ADGRL2: variants seen among roughly 807,000 people sequenced by gnomAD.
ADGRL2 encodes calcium-independent alpha-latrotoxin receptor 2.
Under a neutral mutation model 157.4 loss-of-function variants are expected in ADGRL2, and 44 were observed. The ratio of observed to expected loss-of-function variants is 0.28; its 90% CI spans 0.22 to 0.36. The LOEUF is 0.36. Ranked by LOEUF, ADGRL2 falls within the 10% of genes least tolerant of loss-of-function variation. The pLI is 1.00. For synonymous variants in ADGRL2, 585 were observed against 624.7 expected, an observed-to-expected ratio of 0.94 and a Z score of 0.95; for missense variants, 1,510 against 1,768.9, an observed-to-expected ratio of 0.85 and a Z score of 2.63.
intron 1 of ADGRL2, among the ~76,000 whole-genome samples, chr1:81,359,828 C>CA (rs1021590554): frequency 4.0e-5 from 6 of 151,550 alleles, no homozygotes; most frequent in South Asian, 2.1e-4. Context: ...TTTCTGAAGC[C>CA]AAAAAAAACC....
intron 3 of ADGRL2, among the ~76,000 whole-genome samples, chr1:81,613,551 T>C (rs1291783850): frequency 6.6e-6 from 1 of 151,904 alleles, no homozygotes; most frequent in Non-Finnish European, 1.5e-5. Context: ...CAATGAAGAG[T>C]GCAGGGCAGA....
At chr1:81,747,020 A>G (rs966353595) in intron 1 of ADGRL2, among the ~76,000 whole-genome samples, 11 of 145,842 alleles carry the variant, frequency 7.5e-5, no homozygotes, top group Non-Finnish European at 1.4e-4. Context: ...ACGTATGTAT[A>G]CACGTGTATA....
chr1:81,872,720 C>G (rs1292468363), intron 2 of ADGRL2, among the ~76,000 whole-genome samples: 1 of 151,828 alleles, frequency 6.6e-6, no homozygotes, highest in Non-Finnish European at 1.5e-5. Flanking sequence ...AAAGTCATTG[C>G]CAAGAGAGGA....
Position 81,463,891 on chromosome 1 carries a change from A to G in ADGRL2, c.-248+18802A>G, listed in dbSNP as rs182084031. ...ACCACTCTCATTAAAAGAAAATTGT[A>G]TTAAAGCCTACTTTAAACTTGTTTC... On this transcript the variant is annotated intron_variant, in intron 2 of 24. Transcript: ENST00000370721. Among the ~76,000 whole-genome samples, 97 of 152,332 alleles carry G rather than the reference A, an allele frequency of 6.4e-4. 1 individual carries two copies. Among genetic ancestry groups the G allele is most frequent in the African/African-American group, 2.3e-3 (94 of 41,578 alleles).
At chr1:81,476,512 G>A (rs780853574) in intron 2 of ADGRL2, among the ~76,000 whole-genome samples, 3 of 152,104 alleles carry the variant, frequency 2.0e-5, no homozygotes, top group Non-Finnish European at 2.9e-5. Flanking sequence ...CTCCACCTGT[G>A]CTTTTTCACC....
chr1:81,423,957 A>G (rs546854751), intron 1 of ADGRL2, among the ~76,000 whole-genome samples: 15 of 152,362 alleles, frequency 9.8e-5, no homozygotes, highest in Non-Finnish European at 2.2e-4. Flanking sequence ...CTACCAATGT[A>G]TCAGGCTTTC....
At chr1:81,527,145 G>C (rs932074133) in intron 2 of ADGRL2, among the ~76,000 whole-genome samples, 2 of 152,138 alleles carry the variant, frequency 1.3e-5, no homozygotes, top group African/African-American at 4.8e-5. Context: ...GTACTATTAG[G>C]ATCACCAATA....
intron 17 of ADGRL2, 57 bp from the exon 18 acceptor site, chr1:81,979,812 C>G (rs909160116): frequency 1.0e-6 from 1 of 968,558 alleles, no homozygotes; most frequent in Admixed American, 1.8e-5. Flanking sequence ...TTTGCAAGAA[C>G]TATTCATTTT....
At position 81,943,742 on chromosome 1, in the gene ADGRL2, G is replaced by C; in HGVS notation, c.1183G>C (p.Glu395Gln). The change falls in exon 6 of 24, where the codon GAG (glutamate) becomes CAG (glutamine). Residue 395 changes from glutamate (E) to glutamine (Q), a missense_variant. Glu to Gln is a conservative substitution (Grantham distance 29, BLOSUM62 2). Coordinates refer to ENST00000686636, the MANE Select transcript of ADGRL2 (RefSeq NM_001366006.2). The surrounding 1 kb of genome is among the most constrained non-coding windows in gnomAD (Gnocchi z 5.6). ...NNNFILRYSL[E>Q]FGPPDPAQVP... ...TAACTTCATTTTACGATATTCTCTG[G>C]AGTTTGGTCCACCTGATCCTGCCCA... 1 of 1,613,220 alleles carries C rather than the reference G, an allele frequency of 6.2e-7. No individual in the cohort carries two copies. The highest frequency in any genetic ancestry group is 8.5e-7 in the Non-Finnish European group (1 of 1,179,390).
At position 81,990,625 on chromosome 1, in the gene ADGRL2, T is replaced by G. The variant is rs772473565; in HGVS notation, c.3890T>G (p.Val1297Gly). The change falls in exon 24 of 24, where the codon GTC becomes GGC. Residue 1297 changes from valine to glycine, a missense_variant. Around this residue, in one of 4 missense-constraint regions of ADGRL2, gnomAD observed 327 missense variants for 310.1 expected, o/e 1.05. Coordinates refer to ENST00000686636, the MANE Select transcript of ADGRL2 (RefSeq NM_001366006.2). ...KTHNLELTLP[V>G]KPVIGGSSSE... ...CACAACCTCGAGCTCACGCTACCAGTCAAACCTGTGATTGGAGGTAGCAGC... is the reference window on the plus strand; with the variant it reads ...CACAACCTCGAGCTCACGCTACCAGGCAAACCTGTGATTGGAGGTAGCAGC... 7 of 1,613,974 alleles carry G rather than the reference T, an allele frequency of 4.3e-6. No homozygotes were observed. Among genetic ancestry groups the G allele is most frequent in the African/African-American group, 1.3e-5 (1 of 74,882 alleles).
At chr1:81,834,600 G>T (rs548125557) in intron 1 of ADGRL2, among the ~76,000 whole-genome samples, 1 of 152,230 alleles carries the variant, frequency 6.6e-6, no homozygotes. Flanking sequence ...TTTTGATTTA[G>T]TTTCCAAATT....
chr1:81,440,547 C>G lies in ADGRL2; in HGVS notation c.-301-4489C>G, dbSNP rs183044479. 4.4e-3 allele frequency among the ~76,000 whole-genome samples: 670 copies of G among 152,240 alleles called. 1 individual carries two copies. Among genetic ancestry groups the G allele is most frequent in the Middle Eastern group, 0.01 (3 of 294 alleles). ...AGACAATCCCGCAGATTTTAACTAC[C>G]CCATCCATTGGAAGGATGCCAAAAT... is the stretch of plus-strand genomic sequence containing the variant. On this transcript the variant is annotated intron_variant, in intron 1 of 24. Coordinates refer to the ADGRL2 transcript ENST00000370721.
intron 2 of ADGRL2, among the ~76,000 whole-genome samples, chr1:81,864,712 A>T (rs1278247561): frequency 6.6e-6 from 1 of 152,190 alleles, no homozygotes; most frequent in Non-Finnish European, 1.5e-5. Flanking sequence ...CTGTAATCCC[A>T]GCACTTTGGG....
At chr1:81,414,665 C>T (rs1465248634) in intron 1 of ADGRL2, among the ~76,000 whole-genome samples, 1 of 152,156 alleles carries the variant, frequency 6.6e-6, no homozygotes, top group Non-Finnish European at 1.5e-5. Context: ...GAGGATATTA[C>T]TTTGCTTGAA....
intron 2 of ADGRL2, among the ~76,000 whole-genome samples, chr1:81,454,173 T>C (rs2077756045): frequency 6.6e-6 from 1 of 152,210 alleles, no homozygotes; most frequent in Admixed American, 6.5e-5. Context: ...CACTCTTTTT[T>C]TTTTTTCTTT....
At chr1:81,552,605 GAAAAAAAAA>G (rs35795177) in intron 2 of ADGRL2, among the ~76,000 whole-genome samples, 2 of 103,994 alleles carry the variant, frequency 1.9e-5, no homozygotes, top group African/African-American at 7.6e-5. Flanking sequence ...ACTTTACTTA[GAAAAAAAAA>G]AAAAAAAAAA....
intron 3 of ADGRL2, among the ~76,000 whole-genome samples, chr1:81,690,652 T>G (rs1013936686): frequency 6.6e-6 from 1 of 152,218 alleles, no homozygotes; most frequent in African/African-American, 2.4e-5. Context: ...TTAATATTCC[T>G]AGTTAAAAAT....
rs187749342 is a variant in ADGRL2 at position 81,876,668 on chromosome 1, A to T, written c.74-30349A>T. The stretch of plus-strand genomic sequence containing the variant: ...TCTGAAGCTAATAATCCAACACCCT[A>T]ATTTGTGACTCGAGGGATCAGATGC... On this transcript the variant is annotated intron_variant, in intron 2 of 23. Transcript: ENST00000686636. Among the ~76,000 whole-genome samples the T allele has an allele frequency of 1.6e-3, 251 of 152,184 alleles. 1 individual carries two copies. The highest frequency in any genetic ancestry group is 3.0e-3 in the Non-Finnish European group (203 of 67,980).
At chr1:81,705,418 TTG>T (rs367650862) in intron 1 of ADGRL2, among the ~76,000 whole-genome samples, 149 of 152,138 alleles carry the variant, frequency 9.8e-4, no homozygotes, top group African/African-American at 3.4e-3. Context: ...AGGCTAATTT[TTG>T]TGTTTTTAGT....
Sources: gnomAD v4.1 joint callset for allele counts (sites outside exome capture counted in the v4.1 genomes callset) on GRCh38, gnomAD v4.1.1 for gene constraint, gnomAD v4.1.1 regional missense constraint, Gnocchi (gnomAD v3.1) non-coding constraint, MANE v1.5 for transcripts, NCBI Gene and HGNC (gene_info 2026-07-23, HGNC 2026-07-21) for gene names.